The following TMEM267 variants were observed in gnomAD, a reference collection of about 807,000 sequenced individuals.
The protein encoded by TMEM267 is transmembrane protein 267, also known as transmembrane protein C5orf28.
A neutral mutation model predicts 19.3 loss-of-function variants in TMEM267; 20 were observed. The observed-to-expected ratio is 1.04, with a 90% CI of 0.73 to 1.51. The LOEUF is 1.51. TMEM267 is among the 40% of genes most tolerant of loss of function. The pLI, the probability that TMEM267 is intolerant of heterozygous loss-of-function variation, is 0.00. For missense variants in TMEM267, 242 were observed against 261.9 expected (o/e 0.92, Z 0.52); for synonymous variants, 88 against 90.3 (o/e 0.97, Z 0.15).
chr5:43,478,433 A>C (rs1744558040), intron 1 of TMEM267, among the ~76,000 whole-genome samples: 1 of 152,210 alleles, frequency 6.6e-6, no homozygotes, highest in Admixed American at 6.5e-5. Flanking sequence ...TTGTCAACAG[A>C]ATTCTACATA....
chr5:43,465,635 G>A (rs1291623091), intron 1 of TMEM267, among the ~76,000 whole-genome samples: 1 of 152,160 alleles, frequency 6.6e-6, no homozygotes, highest in Non-Finnish European at 1.5e-5. Context: ...CCATAAAAAA[G>A]GATGAGTTCA....
chr5:43,481,329 T>G (rs1377878724), intron 1 of TMEM267, among the ~76,000 whole-genome samples: 1 of 151,802 alleles, frequency 6.6e-6, no homozygotes, highest in Non-Finnish European at 1.5e-5. Context: ...CTTCAGCTCC[T>G]GGCCTCAAGT....
chr5:43,460,648 T>A (rs182258975), intron 1 of TMEM267, among the ~76,000 whole-genome samples: 64 of 152,016 alleles, frequency 4.2e-4, no homozygotes, highest in African/African-American at 1.5e-3. Flanking sequence ...GCAGAGAGCA[T>A]CTCTGGGCAC....
rs745945815 is a variant in TMEM267, at chr5:43,446,465, G to GA, written c.404dup (p.Lys136GlnfsTer79). Reference sequence around the variant, plus strand: ...GAAAGCACCATGAGTCTTTGAGCTTGAAAAGGTGCATAGTAAATTTCAGGG... The same window carrying GA: ...GAAAGCACCATGAGTCTTTGAGCTTGAAAAAGGTGCATAGTAAATTTCAGGG... On this transcript the variant is annotated frameshift_variant, in exon 3 of 3. Transcript: ENST00000397080. LOFTEE classifies it high-confidence loss of function. 7.4e-6 allele frequency: 12 copies of GA among 1,613,722 alleles called. No homozygotes were observed. The highest frequency in any genetic ancestry group is 1.0e-5 in the Non-Finnish European group (12 of 1,179,734).
chr5:43,481,133 G>GTATC (rs1744740672), intron 1 of TMEM267, among the ~76,000 whole-genome samples: 1 of 141,018 alleles, frequency 7.1e-6, no homozygotes, highest in Non-Finnish European at 1.5e-5. Context: ...TTTTGACAAG[G>GTATC]TATCTCTGTT....
At chr5:43,478,331 T>A (rs1488203935) in intron 1 of TMEM267, among the ~76,000 whole-genome samples, 2 of 152,214 alleles carry the variant, frequency 1.3e-5, no homozygotes, top group Non-Finnish European at 2.9e-5. Flanking sequence ...AGAAAGGGAA[T>A]CAATTTGGTT....
chr5:43,471,071 G>C (rs1483114669), intron 1 of TMEM267, among the ~76,000 whole-genome samples: 2 of 151,824 alleles, frequency 1.3e-5, no homozygotes, highest in African/African-American at 4.8e-5. Flanking sequence ...AGATAAAAGA[G>C]AGAAGATAAA....
At position 43,463,055 on chromosome 5, in the gene TMEM267, GAAGAA is replaced by G. The variant is rs543922069; in HGVS notation, c.-74-9017_-74-9013del. Among the ~76,000 whole-genome samples the G allele has an allele frequency of 4.7e-3, 717 of 152,058 alleles. 5 individuals carry two copies. Among genetic ancestry groups the G allele is most frequent in the African/African-American group, 0.016 (645 of 41,480 alleles). On this transcript the variant is annotated intron_variant, in intron 1 of 2. Transcript: ENST00000397080. ...ATAGACCGCTAGCAAGACTAATAAA[GAAGAA>G]AAGAGAGAAGAATCAAATAGATGCA...
intron 1 of TMEM267, among the ~76,000 whole-genome samples, chr5:43,483,386 T>C (rs1021851336): frequency 2.6e-5 from 4 of 152,178 alleles, no homozygotes; most frequent in African/African-American, 9.7e-5. Flanking sequence ...AAGGACCATG[T>C]CACACTCTCA....
chr5:43,480,287 C>CA, intron 1 of TMEM267, among the ~76,000 whole-genome samples: 1 of 152,220 alleles, frequency 6.6e-6, no homozygotes, highest in Non-Finnish European at 1.5e-5. Context: ...TGCTGCCACT[C>CA]AATCTTTGTT....
intron 1 of TMEM267, among the ~76,000 whole-genome samples, chr5:43,456,318 T>C (rs1043796452): frequency 6.6e-6 from 1 of 152,106 alleles, no homozygotes; most frequent in East Asian, 1.9e-4. Context: ...AAATAAAACA[T>C]AAAAAGATAA....
chr5:43,479,342 T>C (rs1579836305), intron 1 of TMEM267, among the ~76,000 whole-genome samples: 1 of 152,116 alleles, frequency 6.6e-6, no homozygotes, highest in South Asian at 2.1e-4. Flanking sequence ...TAATCATTAC[T>C]TTTTTTCCTT....
rs1322398430 is a variant in TMEM267 at position 43,445,310 on chromosome 5, T to C, written c.*912A>G. The C allele has an allele frequency of 6.6e-6, 1 of 152,180 alleles. No homozygotes were observed. Among genetic ancestry groups the C allele is most frequent in the Non-Finnish European group, 1.5e-5 (1 of 68,014 alleles). The allele number at this position is 152,180 out of a possible 1,614,324, so 9.4% of individuals were successfully genotyped here. On this transcript the variant is annotated 3_prime_UTR_variant, in exon 3 of 3. Transcript: ENST00000397080. ...AAATATTTTAGAATAGTATATAAAA[T>C]AGTATATAAACAAACTGATAGCAAC... is the stretch of plus-strand genomic sequence containing the variant.
At chr5:43,483,591 T>A (rs1744934821) in intron 1 of TMEM267, among the ~76,000 whole-genome samples, 1 of 152,160 alleles carries the variant, frequency 6.6e-6, no homozygotes. Flanking sequence ...CCAGGGCTCC[T>A]CGCAGACCCC....
chr5:43,482,806 TC>T (rs1488338124), intron 1 of TMEM267, among the ~76,000 whole-genome samples: 1 of 152,212 alleles, frequency 6.6e-6, no homozygotes, highest in Admixed American at 6.5e-5. Context: ...ACAGTACTTT[TC>T]TCCTTCCTGA....
At chr5:43,471,761 C>T (rs1406111692) in intron 1 of TMEM267, among the ~76,000 whole-genome samples, 1 of 152,066 alleles carries the variant, frequency 6.6e-6, no homozygotes, top group Non-Finnish European at 1.5e-5. Context: ...TGAAAGTAGA[C>T]CCCTATCTCA....
chr5:43,483,707 C>G (rs1744953133), intron 1 of TMEM267, 115 bp downstream of exon 1: 1 of 152,416 alleles, frequency 6.6e-6, no homozygotes, highest in Admixed American at 6.5e-5. Context: ...ACCGGACCCT[C>G]CAGACATCAG....
Position 43,453,643 on chromosome 5 carries a change from G to T in TMEM267, c.312+15C>A, listed in dbSNP as rs1382152992. 1 of 1,604,022 alleles carries T rather than the reference G, an allele frequency of 6.2e-7. No individual in the cohort carries two copies. Among genetic ancestry groups the T allele is most frequent in the African/African-American group, 1.3e-5 (1 of 74,234 alleles). ...GGAAATTAAAGATCAGAAAAATTAA[G>T]CCTATGCTTTTTACCTTTAAAGACA... On this transcript the variant is annotated intron_variant, in intron 2 of 2. Coordinates refer to ENST00000397080, the MANE Select transcript of TMEM267 (RefSeq NM_022483.5).
rs1742178286 is a variant in TMEM267, at chr5:43,445,244, T to C, written c.*978A>G. ...AAAGCAAATTTCCTAAAACTTTATT[T>C]TGAAAAAAATATATGCTGTCTTTCA... On this transcript the variant is annotated 3_prime_UTR_variant, in exon 3 of 3. Coordinates refer to ENST00000397080, the MANE Select transcript of TMEM267 (RefSeq NM_022483.5). The C allele has an allele frequency of 6.6e-6, 1 of 152,286 alleles. No homozygotes were observed. Among genetic ancestry groups the C allele is most frequent in the South Asian group, 2.1e-4 (1 of 4,832 alleles). 9.4% of individuals were successfully genotyped at this position (152,286 alleles called of 1,614,324 possible). A position where few individuals can be genotyped will look rare whatever the true frequency, so the allele number is the denominator to read the frequency against.
Sources: allele counts gnomAD v4.1 joint callset (sites outside exome capture counted in the v4.1 genomes callset), GRCh38; gene constraint gnomAD v4.1.1; transcripts MANE v1.5; gene names NCBI Gene and HGNC (gene_info 2026-07-23, HGNC 2026-07-21).